Variants in COPS7B observed in about 807,000 individuals in gnomAD.
COPS7B encodes COP9 signalosome subunit 7B.
Under a neutral mutation model 33.4 loss-of-function variants are expected in COPS7B, and 9 were observed. The ratio of observed to expected loss-of-function variants is 0.27; its 90% CI spans 0.16 to 0.47. The LOEUF (loss-of-function observed/expected upper bound fraction) is 0.47, where lower values mean the gene tolerates loss of function less well. Ranked by LOEUF, COPS7B falls within the 20% of genes least tolerant of loss-of-function variation. The pLI is 0.99. For synonymous variants in COPS7B, 119 were observed against 126.3 expected (o/e 0.94, Z 0.39); for missense variants, 242 against 318.2 (o/e 0.76, Z 1.82).
chr2:231,791,886 T>C (rs764714818), intron 3 of COPS7B, 78 bp downstream of exon 3: 59 of 1,314,868 alleles, frequency 4.5e-5, no homozygotes, highest in Middle Eastern at 1.8e-4. Context: ...GTTTGAGATA[T>C]AAAGCATGGG....
chr2:231,793,206 A>G (rs1355995649), intron 3 of COPS7B, among the ~76,000 whole-genome samples: 2 of 152,206 alleles, frequency 1.3e-5, no homozygotes, highest in Non-Finnish European at 2.9e-5. Flanking sequence ...TAGATGTTTC[A>G]GAATTTAGAA....
At chr2:231,807,411 A>G (rs1321695588) in intron 6 of COPS7B, 76 bp from the exon 7 acceptor site, 2 of 1,371,106 alleles carry the variant, frequency 1.5e-6, no homozygotes, top group Non-Finnish European at 2.0e-6. Context: ...TTCCTGTCTG[A>G]AGTGAAGACA....
chr2:231,800,635 G>A (rs2049717417), intron 6 of COPS7B, among the ~76,000 whole-genome samples: 1 of 152,240 alleles, frequency 6.6e-6, no homozygotes, highest in African/African-American at 2.4e-5. Context: ...GAGGCACACC[G>A]TGTAGTTACA....
chr2:231,794,317 A>G lies in COPS7B; in HGVS notation c.293A>G (p.His98Arg), dbSNP rs1407888088. Residue 98 changes from histidine to arginine, a missense_variant, in exon 4 of 7, where the codon CAT (histidine) becomes CGT (arginine). Transcript: ENST00000350033. ...ACAGCTCAGCAGAACAAGCTGAAGC[A>G]TCTTACCATCGTGAGCTTGGCATCA... The part of the protein sequence containing the change: ...LSTAQQNKLK[H>R]LTIVSLASRM... 6.2e-7 allele frequency: 1 copy of G among 1,614,072 alleles called. No individual in the cohort carries two copies. Among genetic ancestry groups the G allele is most frequent in the East Asian group, 2.2e-5 (1 of 44,884 alleles).
intron 6 of COPS7B, among the ~76,000 whole-genome samples, chr2:231,805,837 C>T (rs902693002): frequency 6.7e-6 from 1 of 149,462 alleles, no homozygotes; most frequent in Non-Finnish European, 1.5e-5. Context: ...TTAAGAAAGA[C>T]AGGGTCCCAC....
chr2:231,805,845 C>T (rs1003687758), intron 6 of COPS7B, among the ~76,000 whole-genome samples: 3 of 151,086 alleles, frequency 2.0e-5, no homozygotes, highest in African/African-American at 2.4e-5. Flanking sequence ...GACAGGGTCC[C>T]ACTATGTTGC....
rs184423961 is a variant in COPS7B, at chr2:231,808,910, G to T, written c.*1265G>T. The T allele has an allele frequency of 2.4e-4, 37 of 155,926 alleles. No individual in the cohort carries two copies. The highest frequency in any genetic ancestry group is 2.8e-4 in the Non-Finnish European group (20 of 71,194). 9.7% of individuals were successfully genotyped at this position (155,926 alleles called of 1,614,324 possible). On this transcript the variant is annotated 3_prime_UTR_variant, in exon 7 of 7. Transcript: ENST00000350033. Reference sequence around the variant, plus strand: ...CATTTTACAACAAAAAAATAAAAGTGTAGATTTAATGTATGTGACTGGGGT... The same window carrying T: ...CATTTTACAACAAAAAAATAAAAGTTTAGATTTAATGTATGTGACTGGGGT...
At chr2:231,783,021 C>A (rs2049165901), upstream of COPS7B, among the ~76,000 whole-genome samples, 1 of 152,158 alleles carries the variant, frequency 6.6e-6, no homozygotes, top group South Asian at 2.1e-4. Flanking sequence ...TCAGTTTTCT[C>A]TGTTCTTGAA....
chr2:231,784,505 A>G (rs2049194736), upstream of COPS7B, among the ~76,000 whole-genome samples: 1 of 151,926 alleles, frequency 6.6e-6, no homozygotes, highest in South Asian at 2.1e-4. Flanking sequence ...AAACCAAAAT[A>G]CTAAATCCAA....
chr2:231,804,233 T>G (rs2049828764), intron 6 of COPS7B, among the ~76,000 whole-genome samples: 1 of 149,948 alleles, frequency 6.7e-6, no homozygotes, highest in Admixed American at 6.6e-5. Context: ...AGAAAACTAT[T>G]TGTAGTATAA....
chr2:231,784,129 G>T (rs1464264490), upstream of COPS7B, among the ~76,000 whole-genome samples: 3 of 150,928 alleles, frequency 2.0e-5, no homozygotes, highest in Non-Finnish European at 3.0e-5. Context: ...TGAGAAGGGG[G>T]AGGGGGTGGG....
At chr2:231,792,029 A>G (rs757707837) in intron 3 of COPS7B, 1 of 675,516 alleles carries the variant, frequency 1.5e-6, no homozygotes, top group South Asian at 1.5e-5. Flanking sequence ...CTCATCCACA[A>G]ATGTAGCCCT....
Position 231,796,207 on chromosome 2 carries a change from C to T in COPS7B, c.429C>T (p.Gly143=), listed in dbSNP as rs1010882271. The T allele has an allele frequency of 1.9e-6, 3 of 1,613,990 alleles. No individual in the cohort carries two copies. The highest frequency in any genetic ancestry group is 2.7e-5 in the African/African-American group (2 of 74,908). ...IEAVYTDIIQ[G]KLDQRNQLLE... The stretch of plus-strand genomic sequence containing the variant: ...CTGTCTACACTGACATCATCCAGGG[C>T]AAGCTGGACCAGCGAAACCAGCTGC... The change falls in exon 5 of 7, where the codon GGC becomes GGT. Residue 143 remains glycine, a synonymous_variant. Coordinates refer to ENST00000350033, the MANE Select transcript of COPS7B (RefSeq NM_022730.4).
upstream of COPS7B, chr2:231,781,853 T>C (rs2049139085): frequency 6.4e-7 from 1 of 1,550,788 alleles, no homozygotes; most frequent in Admixed American, 2.0e-5. Context: ...TAACTTCTGT[T>C]TACATGGAAC....
upstream of COPS7B, among the ~76,000 whole-genome samples, chr2:231,785,077 C>T (rs1475842650): frequency 6.6e-6 from 1 of 152,216 alleles, no homozygotes; most frequent in Non-Finnish European, 1.5e-5. Context: ...TCCCAAAGTG[C>T]TGGGATTACA....
rs934639892 is a variant in COPS7B, at chr2:231,808,292, G to C, written c.*647G>C. ...AGAGCGCTGGGTTGACTAACCTCTGGTATCTGAGCACAGACAGAGGGTGCT... is the reference window on the plus strand; with the variant it reads ...AGAGCGCTGGGTTGACTAACCTCTGCTATCTGAGCACAGACAGAGGGTGCT... On this transcript the variant is annotated 3_prime_UTR_variant, in exon 7 of 7. Transcript: ENST00000350033. 19 of 382,380 alleles carry C rather than the reference G, an allele frequency of 5.0e-5. No individual in the cohort carries two copies. The Admixed American group carries it at 6.3e-4, about 13-fold the overall frequency. The allele number at this position is 382,380 out of a possible 1,614,324, so 23.7% of individuals were successfully genotyped here.
upstream of COPS7B, chr2:231,781,679 T>A (rs1222724686): frequency 3.1e-6 from 2 of 640,972 alleles, no homozygotes; most frequent in Non-Finnish European, 5.5e-6. Context: ...AATCCCAGCA[T>A]CCCCTGCACT....
chr2:231,788,928 G>A, intron 2 of COPS7B, 196 bp downstream of exon 2: 20 of 487,808 alleles, frequency 4.1e-5, no homozygotes, highest in South Asian at 2.5e-4. Context: ...TCTTACCTTG[G>A]GTAAAATTAG....
At chr2:231,784,342 T>C (rs545209468), upstream of COPS7B, among the ~76,000 whole-genome samples, 1 of 149,560 alleles carries the variant, frequency 6.7e-6, no homozygotes, top group Non-Finnish European at 1.5e-5. Flanking sequence ...ATTTGCCGGG[T>C]GTGGTGGCAC....
Sources: allele counts gnomAD v4.1 joint callset (sites outside exome capture counted in the v4.1 genomes callset), GRCh38; gene constraint gnomAD v4.1.1; transcripts MANE v1.5; gene names NCBI Gene and HGNC (gene_info 2026-07-23, HGNC 2026-07-21).